EGFL6: variants seen among roughly 807,000 people sequenced by gnomAD.
The protein encoded by EGFL6 is EGF like domain multiple 6.
EGFL6 carries 42 observed loss-of-function variants against 43.1 expected under a neutral mutation model. The observed-to-expected ratio is 0.98, with a 90% CI of 0.76 to 1.26. The LOEUF is 1.26. EGFL6 is among the 50% of genes most tolerant of loss of function. The probability of loss-of-function intolerance (pLI) is 0.00; values close to 1 mark genes in which losing one functional copy is unlikely to be tolerated. For synonymous variants in EGFL6, 164 were observed against 163.2 expected (o/e 1.01, Z -0.04); for missense variants, 429 against 427.8 (o/e 1.00, Z -0.02).
intron 7 of EGFL6, among the ~76,000 whole-genome samples, chrX:13,610,249 G>A (rs976931452): frequency 1.8e-5 from 2 of 112,257 alleles, no homozygotes; most frequent in African/African-American, 6.5e-5. Context: ...AATACTTTAA[G>A]AAATATGAAA....
chrX:13,586,600 A>C (rs2045535010), intron 1 of EGFL6, among the ~76,000 whole-genome samples: 1 of 111,022 alleles, frequency 9.0e-6, no homozygotes, highest in African/African-American at 3.3e-5. Flanking sequence ...CCCATGACCT[A>C]ATTACCTCCC....
At chrX:13,572,515 T>C (rs2045448612) in intron 1 of EGFL6, among the ~76,000 whole-genome samples, 1 of 112,368 alleles carries the variant, frequency 8.9e-6, no homozygotes, top group African/African-American at 3.2e-5. Flanking sequence ...CACTTATTGA[T>C]CTGAACTCCA....
intron 6 of EGFL6, among the ~76,000 whole-genome samples, chrX:13,607,258 C>T (rs1167624313): frequency 1.8e-5 from 2 of 111,184 alleles, no homozygotes; most frequent in African/African-American, 3.3e-5. Context: ...AAGGGAAATT[C>T]GGGCTCTCTG....
chrX:13,608,481 C>T (rs1238875331), intron 7 of EGFL6, 35 bp downstream of exon 7: 1 of 1,192,185 alleles, frequency 8.4e-7, no homozygotes, highest in Non-Finnish European at 1.1e-6. Context: ...CTTAGCTATT[C>T]CCAATGAAGC....
In EGFL6 at chrX:13,589,555, G is replaced by A. The variant is rs2045551753; in HGVS notation, c.75-1G>A. On this transcript the variant is annotated splice_acceptor_variant, in intron 1 of 11. Transcript: ENST00000361306. LOFTEE classifies it high-confidence loss of function. ...ACTAACATGTAGTTCTTTATCTGCAGTGCAAGGCATCACGGGTTGTTAGCA... is the reference window on the plus strand; with the variant it reads ...ACTAACATGTAGTTCTTTATCTGCAATGCAAGGCATCACGGGTTGTTAGCA... 8.3e-7 allele frequency: 1 copy of A among 1,205,727 alleles called. No homozygotes were observed. Among genetic ancestry groups the A allele is most frequent in the African/African-American group, 1.8e-5 (1 of 57,089 alleles).
intron 10 of EGFL6, among the ~76,000 whole-genome samples, chrX:13,624,616 A>T (rs1172015784): frequency 8.9e-6 from 1 of 111,818 alleles, no homozygotes; most frequent in Non-Finnish European, 1.9e-5. Flanking sequence ...GCACAAATTG[A>T]ATCTCTGTCT....
chrX:13,616,886 G>A (rs766958085), intron 7 of EGFL6, among the ~76,000 whole-genome samples: 2 of 94,598 alleles, frequency 2.1e-5, no homozygotes, highest in Admixed American at 1.2e-4. Flanking sequence ...TTTTTGAGAC[G>A]GAGTCTCGCT....
chrX:13,592,094 C>G (rs1348839068), intron 2 of EGFL6, among the ~76,000 whole-genome samples: 4 of 111,125 alleles, frequency 3.6e-5, no homozygotes, highest in African/African-American at 1.3e-4. Context: ...AAGCTTTAAC[C>G]TTATAGCAAG....
At chrX:13,594,766 G>A (rs773471739) in intron 2 of EGFL6, 70 bp from the exon 3 acceptor site, 130 of 1,001,265 alleles carry the variant, frequency 1.3e-4, no homozygotes, top group Non-Finnish European at 1.8e-4. Flanking sequence ...AGAACGCAGC[G>A]AAGTTTTGCG....
At position 13,613,909 on chromosome X, in the gene EGFL6, TC is replaced by T. The variant is rs1325160696; in HGVS notation, c.779-3820del. Among the ~76,000 whole-genome samples, 5 of 112,038 alleles carry T rather than the reference TC, an allele frequency of 4.5e-5. No homozygotes were observed. In the East Asian group the frequency reaches 8.3e-4, roughly 19 times the overall value. On this transcript the variant is annotated intron_variant, in intron 7 of 11. Transcript: ENST00000361306. ...ACAACCAGGCCATCCCCATTTTTTT[TC>T]TTCAATTATAAACATTAGAAACTTG... is the stretch of plus-strand genomic sequence containing the variant.
chrX:13,622,223 G>A (rs945729554), intron 9 of EGFL6, among the ~76,000 whole-genome samples: 1 of 111,170 alleles, frequency 9.0e-6, no homozygotes, highest in Non-Finnish European at 1.9e-5. Flanking sequence ...AAAGGAAAGT[G>A]AGGAAAGGGA....
At chrX:13,612,624 G>A (rs747419950) in intron 7 of EGFL6, among the ~76,000 whole-genome samples, 1 of 110,417 alleles carries the variant, frequency 9.1e-6, no homozygotes, top group East Asian at 2.9e-4. Flanking sequence ...CGGGGCGGCT[G>A]GGCAGAGGCA....
rs2045430424 is a variant in EGFL6 at position 13,569,878 on chromosome X, G to A, written c.17G>A (p.Ser6Asn). Residue 6 changes from serine to asparagine, a missense_variant, in exon 1 of 12, where the codon AGC (serine) becomes AAC (asparagine). By Grantham distance (46) the Ser-to-Asn change is conservative. Transcript: ENST00000361306. ...CGTGCGAGAATGCCTCTGCCCTGGA[G>A]CCTTGCGCTCCCGCTGCTGCTCTCC... Reference protein sequence around the residue: MPLPWSLALPLLLSWV... With the variant: MPLPWNLALPLLLSWV... 8.2e-7 allele frequency: 1 copy of A among 1,212,288 alleles called. No homozygotes were observed. The highest frequency in any genetic ancestry group is 1.1e-6 in the Non-Finnish European group (1 of 895,502).
chrX:13,582,882 T>C (rs1478774136), intron 1 of EGFL6, among the ~76,000 whole-genome samples: 1 of 111,843 alleles, frequency 8.9e-6, no homozygotes, highest in African/African-American at 3.3e-5. Context: ...GGTTTCTGAT[T>C]AGGCTTTTTA....
At chrX:13,626,032 G>A (rs192750714) in intron 10 of EGFL6, among the ~76,000 whole-genome samples, 10 of 111,861 alleles carry the variant, frequency 8.9e-5, no homozygotes, top group Non-Finnish European at 1.9e-4. Flanking sequence ...GACAGAAAGC[G>A]TAGCTGAAAG....
At chrX:13,617,015 G>A (rs188959133) in intron 7 of EGFL6, among the ~76,000 whole-genome samples, 7 of 109,275 alleles carry the variant, frequency 6.4e-5, no homozygotes, top group East Asian at 2.9e-4. Flanking sequence ...GACTACAGGC[G>A]CCCGCCACCG....
intron 1 of EGFL6, among the ~76,000 whole-genome samples, chrX:13,587,948 C>T (rs1053877365): frequency 1.8e-5 from 2 of 111,780 alleles, no homozygotes; most frequent in Non-Finnish European, 3.8e-5. Flanking sequence ...GAGACATTTT[C>T]GTTTGTCAGA....
chrX:13,610,975 C>T (rs1197034527), intron 7 of EGFL6, among the ~76,000 whole-genome samples: 1 of 111,046 alleles, frequency 9.0e-6, no homozygotes, highest in African/African-American at 3.3e-5. Flanking sequence ...CGGGGTGGGA[C>T]AGTTCTGAGG....
intron 4 of EGFL6, among the ~76,000 whole-genome samples, chrX:13,601,590 T>C (rs1166724868): frequency 2.7e-5 from 3 of 111,802 alleles, no homozygotes; most frequent in Non-Finnish European, 5.6e-5. Flanking sequence ...GATTATAAAA[T>C]CTTGCCTAGT....
Sources: allele counts gnomAD v4.1 joint callset (sites outside exome capture counted in the v4.1 genomes callset), GRCh38; gene constraint gnomAD v4.1.1; transcripts MANE v1.5; gene names NCBI Gene and HGNC (gene_info 2026-07-23, HGNC 2026-07-21).